Variants in CLSTN2 observed in about 807,000 individuals in gnomAD.
The protein encoded by CLSTN2 is calsyntenin-2.
A neutral mutation model predicts 101.2 loss-of-function variants in CLSTN2; 48 were observed. That is an observed-to-expected ratio of 0.47 (90% CI 0.38 to 0.60). CLSTN2 has a LOEUF of 0.60. Ranked by LOEUF, CLSTN2 falls within the 20% of genes least tolerant of loss-of-function variation. The pLI, the probability that CLSTN2 is intolerant of heterozygous loss-of-function variation, is 0.00. For missense variants in CLSTN2, 1,160 were observed against 1,238.2 expected, an observed-to-expected ratio of 0.94 and a Z score of 0.95; for synonymous variants, 481 against 463.6, an observed-to-expected ratio of 1.04 and a Z score of -0.48.
At chr3:140,459,797 CCT>C in intron 7 of CLSTN2, 28 bp downstream of exon 7, 1 of 282,006 alleles carries the variant, frequency 3.5e-6, no homozygotes, top group Non-Finnish European at 5.6e-6. Context: ...CCCTTCCACC[CCT>C]CCTACCCCAG....
chr3:140,305,123 G>A (rs897890505), intron 2 of CLSTN2, among the ~76,000 whole-genome samples: 1 of 149,866 alleles, frequency 6.7e-6, no homozygotes, highest in African/African-American at 2.5e-5. Flanking sequence ...TCTTCCTCCT[G>A]TTCCCTCTTT....
At chr3:140,234,770 C>G (rs2086402188) in intron 2 of CLSTN2, among the ~76,000 whole-genome samples, 1 of 152,182 alleles carries the variant, frequency 6.6e-6, no homozygotes, top group Admixed American at 6.5e-5. Context: ...AGCCTTCTGT[C>G]CCCATTGACA....
At chr3:140,291,242 C>T (rs573823532) in intron 2 of CLSTN2, among the ~76,000 whole-genome samples, 1 of 152,246 alleles carries the variant, frequency 6.6e-6, no homozygotes, top group South Asian at 2.1e-4. Flanking sequence ...GCTTATTACT[C>T]TCCAATGCCT....
At chr3:140,286,483 T>A (rs937549177) in intron 2 of CLSTN2, among the ~76,000 whole-genome samples, 2 of 152,200 alleles carry the variant, frequency 1.3e-5, no homozygotes, top group Non-Finnish European at 2.9e-5. Context: ...AAGAATGGTT[T>A]GATGATGCCC....
chr3:139,960,664 T>C (rs9870392), intron 1 of CLSTN2, among the ~76,000 whole-genome samples: 13,636 of 152,260 alleles, frequency 0.09, 681 homozygotes, highest in African/African-American at 0.13. Flanking sequence ...ATGAGCTTGA[T>C]GCACTGCGTG....
chr3:140,349,222 C>T (rs968869293), intron 2 of CLSTN2, among the ~76,000 whole-genome samples: 1 of 152,188 alleles, frequency 6.6e-6, no homozygotes, highest in African/African-American at 2.4e-5. Context: ...GAGGCCTCTT[C>T]AGCCATGCAG....
At chr3:140,205,863 C>A (rs931611121) in intron 2 of CLSTN2, among the ~76,000 whole-genome samples, 1 of 152,108 alleles carries the variant, frequency 6.6e-6, no homozygotes, top group African/African-American at 2.4e-5. Flanking sequence ...CAGTCCCCAC[C>A]GGTCAGTCCC....
intron 9 of CLSTN2, among the ~76,000 whole-genome samples, chr3:140,539,015 T>A (rs372575537): frequency 2.7e-4 from 41 of 152,334 alleles, no homozygotes; most frequent in African/African-American, 9.4e-4. Flanking sequence ...TGAAACATCT[T>A]AAAGGAGTTA....
At chr3:140,444,103 T>C (rs890023705) in intron 5 of CLSTN2, among the ~76,000 whole-genome samples, 8 of 152,164 alleles carry the variant, frequency 5.3e-5, no homozygotes, top group Non-Finnish European at 1.2e-4. Flanking sequence ...TCTGTAAAAA[T>C]TATAGTTGTC....
intron 2 of CLSTN2, among the ~76,000 whole-genome samples, chr3:140,350,794 G>T (rs1161901409): frequency 3.3e-5 from 5 of 152,140 alleles, no homozygotes; most frequent in Admixed American, 6.5e-5. Flanking sequence ...GCCCCTAATG[G>T]TTCTGAAGAG....
intron 1 of CLSTN2, among the ~76,000 whole-genome samples, chr3:140,113,652 G>A (rs1309080753): frequency 6.6e-6 from 1 of 152,116 alleles, no homozygotes; most frequent in Non-Finnish European, 1.5e-5. Context: ...AAGACTCCTG[G>A]GAAGCATCTT....
intron 2 of CLSTN2, among the ~76,000 whole-genome samples, chr3:140,219,251 G>T (rs1419612443): frequency 2.6e-5 from 4 of 152,002 alleles, no homozygotes; most frequent in Non-Finnish European, 4.4e-5. Flanking sequence ...GGTGCAGAGG[G>T]CCTCACATGT....
intron 2 of CLSTN2, among the ~76,000 whole-genome samples, chr3:140,361,496 CA>C (rs2087729549): frequency 6.6e-6 from 1 of 151,874 alleles, no homozygotes; most frequent in South Asian, 2.1e-4. Context: ...ATAAAACAAA[CA>C]AAAAGATATT....
rs1180393664 is a variant in CLSTN2, at chr3:140,110,954, C to T, written c.110-64997C>T. Among the ~76,000 whole-genome samples the T allele has an allele frequency of 5.3e-5, 8 of 152,194 alleles. No individual in the cohort carries two copies. In the South Asian group the frequency reaches 1.7e-3, roughly 31 times the overall value. On this transcript the variant is annotated intron_variant, in intron 1 of 16. Transcript: ENST00000458420. ...GTCCAGTTTCCAGGTTGTGGAAACA[C>T]AATCCAGATTGTAGCTTGTCCAGAT... is the stretch of plus-strand genomic sequence containing the variant.
rs1173688084 is a variant in CLSTN2 at position 140,575,164 on chromosome 3, TTC to T, written c.*8913_*8914del. The stretch of plus-strand genomic sequence containing the variant: ...ATACAGCAAAAAGCTTTTTTTGTTT[TTC>T]TGTTTTTGTTTTGTTTTTGGCGTGG... On this transcript the variant is annotated 3_prime_UTR_variant, in exon 17 of 17. Coordinates refer to ENST00000458420, the MANE Select transcript of CLSTN2 (RefSeq NM_022131.3). The T allele has an allele frequency of 1.3e-5, 2 of 152,270 alleles. No individual in the cohort carries two copies. Among genetic ancestry groups the T allele is most frequent in the Non-Finnish European group, 1.5e-5 (1 of 68,084 alleles). 9.4% of individuals were successfully genotyped at this position (152,270 alleles called of 1,614,324 possible). A position where few individuals can be genotyped will look rare whatever the true frequency, so the allele number is the denominator to read the frequency against.
chr3:140,233,617 G>A (rs762876192), intron 2 of CLSTN2, among the ~76,000 whole-genome samples: 6 of 152,172 alleles, frequency 3.9e-5, no homozygotes, highest in Non-Finnish European at 8.8e-5. Context: ...ACAGGAATTT[G>A]ATATTAATGG....
chr3:140,089,171 T>A (rs1219145563), intron 1 of CLSTN2, among the ~76,000 whole-genome samples: 1 of 152,216 alleles, frequency 6.6e-6, no homozygotes, highest in African/African-American at 2.4e-5. Context: ...GGTCTAGGGC[T>A]CACACCTTTT....
At chr3:140,453,825 T>C (rs571385916) in intron 6 of CLSTN2, among the ~76,000 whole-genome samples, 24 of 152,356 alleles carry the variant, frequency 1.6e-4, no homozygotes, top group East Asian at 5.8e-4. Flanking sequence ...TAATGCAATT[T>C]TTTTTAGGAG....
At chr3:140,338,453 C>A (rs1020016853) in intron 2 of CLSTN2, among the ~76,000 whole-genome samples, 1 of 152,210 alleles carries the variant, frequency 6.6e-6, no homozygotes, top group African/African-American at 2.4e-5. Flanking sequence ...CAATGCTCTA[C>A]AGCCAGTGTT....
Sources: gnomAD v4.1 joint callset for allele counts (sites outside exome capture counted in the v4.1 genomes callset) on GRCh38, gnomAD v4.1.1 for gene constraint, MANE v1.5 for transcripts, NCBI Gene and HGNC (gene_info 2026-07-23, HGNC 2026-07-21) for gene names.